Variants in SLC46A2 observed in about 807,000 individuals in gnomAD.
The protein encoded by SLC46A2 is thymic stromal co-transporter.
SLC46A2 carries 25 observed loss-of-function variants against 33.1 expected under a neutral mutation model. The observed-to-expected ratio is 0.76, with a 90% CI of 0.55 to 1.06. The LOEUF is 1.06. Ranked by LOEUF, SLC46A2 falls within the 50% of genes least tolerant of loss-of-function variation. SLC46A2 has a pLI of 0.00. For missense variants in SLC46A2, 622 were observed against 621.7 expected, an observed-to-expected ratio of 1.00 and a Z score of 0.00; for synonymous variants, 254 against 275.9, an observed-to-expected ratio of 0.92 and a Z score of 0.79.
chr9:112,889,936 G>C lies in SLC46A2; in HGVS notation c.746C>G (p.Thr249Arg). The C allele has an allele frequency of 6.2e-7, 1 of 1,614,226 alleles. No homozygotes were observed. Among genetic ancestry groups the C allele is most frequent in the Non-Finnish European group, 8.5e-7 (1 of 1,180,044 alleles). The change falls in exon 1 of 4, where the codon ACG (threonine) becomes AGG (arginine). Residue 249 changes from threonine to arginine, a missense_variant. Transcript: ENST00000374228. ...ELPAVDTVSG[T>R]VGTYRTLDPD... is the part of the protein sequence containing the mutation. ...ATCCAGAGTGCGGTATGTGCCAACC[G>C]TGCCAGACACGGTATCCACGGCGGG...
chr9:112,890,010 AAGGCTGT>A lies in SLC46A2; in HGVS notation c.665_671del (p.Tyr222PhefsTer4). 6.2e-7 allele frequency: 1 copy of A among 1,614,108 alleles called. No individual in the cohort carries two copies. Among genetic ancestry groups the A allele is most frequent in the East Asian group, 2.2e-5 (1 of 44,882 alleles). ...CCGACTCAGGGACCTTTAGCACCAAAAGGCTGTAGAGCAGGGCAAACGAGGCACAGCT... is the reference window on the plus strand; with the variant it reads ...CCGACTCAGGGACCTTTAGCACCAAAAGAGCAGGGCAAACGAGGCACAGCT... On this transcript the variant is annotated frameshift_variant, in exon 1 of 4. Transcript: ENST00000374228. LOFTEE classifies it high-confidence loss of function. This position sits in a 1 kb window ranked among gnomAD's most constrained non-coding sequence, Gnocchi z 6.0.
chr9:112,889,775 C>A lies in SLC46A2; in HGVS notation c.907G>T (p.Val303Leu), dbSNP rs558581867. The A allele has an allele frequency of 8.1e-6, 13 of 1,614,100 alleles. No individual in the cohort carries two copies. The highest frequency in any genetic ancestry group is 1.1e-5 in the Non-Finnish European group (13 of 1,180,010). Residue 303 changes from valine (V) to leucine (L), a missense_variant, in exon 1 of 4, where the codon GTG (valine) becomes TTG (leucine). Coordinates refer to ENST00000374228, the MANE Select transcript of SLC46A2 (RefSeq NM_033051.4). ...YDLAVVGTVDVIPLFVLREPL... is the reference protein window; with the variant it reads ...YDLAVVGTVDLIPLFVLREPL... ...TCCCTCAGCACAAAAAGAGGGATCACGTCCACTGTGCCCACCACCGCCAGG... is the reference window on the plus strand; with the variant it reads ...TCCCTCAGCACAAAAAGAGGGATCAAGTCCACTGTGCCCACCACCGCCAGG...
In SLC46A2 at chr9:112,886,630, A is replaced by C. The variant is rs1841646088; in HGVS notation, c.1214-14T>G. The C allele has an allele frequency of 6.2e-7, 1 of 1,613,548 alleles. No individual in the cohort carries two copies. Among genetic ancestry groups the C allele is most frequent in the South Asian group, 1.1e-5 (1 of 91,052 alleles). On this transcript the variant is annotated splice_polypyrimidine_tract_variant and intron_variant, in intron 2 of 3. Transcript: ENST00000374228. Reference sequence around the variant, plus strand: ...CGAACACCTTTCCTGTGGAAGGGACAGAGGTTACTCCGGAGTGCCTTGCTG... The same window carrying C: ...CGAACACCTTTCCTGTGGAAGGGACCGAGGTTACTCCGGAGTGCCTTGCTG...
intron 3 of SLC46A2, chr9:112,885,739 AAT>A (rs1197957536): frequency 1.3e-5 from 2 of 152,296 alleles, no homozygotes; most frequent in African/African-American, 4.8e-5. Flanking sequence ...TTGCATGTCA[AAT>A]ATGTTATTAA....
At chr9:112,885,929 A>G (rs972725713) in intron 3 of SLC46A2, among the ~76,000 whole-genome samples, 3 of 152,122 alleles carry the variant, frequency 2.0e-5, no homozygotes, top group African/African-American at 7.2e-5. Flanking sequence ...GTCTCCATAG[A>G]GTGCTCTGAT....
At chr9:112,881,058 C>T (rs906277497) in intron 3 of SLC46A2, among the ~76,000 whole-genome samples, 1 of 152,238 alleles carries the variant, frequency 6.6e-6, no homozygotes, top group African/African-American at 2.4e-5. Flanking sequence ...TTAGCTGCCT[C>T]ATCGTCTGCC....
Position 112,890,106 on chromosome 9 carries a change from C to G in SLC46A2, c.576G>C (p.Gly192=). 1 of 1,613,432 alleles carries G rather than the reference C, an allele frequency of 6.2e-7. No homozygotes were observed. Among genetic ancestry groups the G allele is most frequent in the Non-Finnish European group, 8.5e-7 (1 of 1,179,902 alleles). The stretch of plus-strand genomic sequence containing the variant: ...GCCCAGCCATCTGCTTGAAGAGATG[C>G]CCGGAAGCCATGCTCCCGCAGAACC... The part of the protein sequence containing the change: ...LAGFCGSMAS[G]HLFKQMAGHS... Residue 192 remains glycine (G), a synonymous_variant, in exon 1 of 4, where the codon GGG becomes GGC. Transcript: ENST00000374228. This position sits in a 1 kb window ranked among gnomAD's most constrained non-coding sequence, Gnocchi z 6.0.
intron 1 of SLC46A2, among the ~76,000 whole-genome samples, chr9:112,888,526 T>C (rs1001135592): frequency 1.3e-5 from 2 of 152,220 alleles, no homozygotes; most frequent in African/African-American, 2.4e-5. Flanking sequence ...TTAAATACAA[T>C]GACATAAAAT....
intron 3 of SLC46A2, among the ~76,000 whole-genome samples, chr9:112,883,731 T>C (rs1841611811): frequency 6.8e-6 from 1 of 147,520 alleles, no homozygotes; most frequent in Non-Finnish European, 1.5e-5. Context: ...GGAGTCTAGC[T>C]CTGTCACCCA....
At chr9:112,888,872 CG>C (rs1322769877) in intron 1 of SLC46A2, among the ~76,000 whole-genome samples, 6 of 63,810 alleles carry the variant, frequency 9.4e-5, no homozygotes, top group Non-Finnish European at 1.6e-4. Context: ...CACTCCTCCA[CG>C]TTTTTTTTTT....
Position 112,890,411 on chromosome 9 carries a change from G to A in SLC46A2, c.271C>T (p.Leu91=). Residue 91 remains leucine (L), a synonymous_variant, in exon 1 of 4, where the codon CTG becomes TTG. Transcript: ENST00000374228. This position sits in a 1 kb window ranked among gnomAD's most constrained non-coding sequence, Gnocchi z 6.0. ...AGCCATCCCAGCCCGTAGGCGGACA[G>A]CAGGGGGGACAGGCCCACCACAAGG... The part of the protein sequence containing the change: ...YNLVVGLSPL[L]SAYGLGWLSD... 6.2e-7 allele frequency: 1 copy of A among 1,614,228 alleles called. No homozygotes were observed. Among genetic ancestry groups the A allele is most frequent in the African/African-American group, 1.3e-5 (1 of 75,068 alleles).
chr9:112,888,461 T>A lies in SLC46A2; in HGVS notation c.1130-1048A>T, dbSNP rs144978648. On this transcript the variant is annotated intron_variant, in intron 1 of 3. Coordinates refer to ENST00000374228, the MANE Select transcript of SLC46A2 (RefSeq NM_033051.4). ...GGGCCAAGAGCCAGCCTCAGATAAC[T>A]GTCTGAAGTTGTTTTTTTGATATGA... 5.4e-3 allele frequency among the ~76,000 whole-genome samples: 827 copies of A among 152,204 alleles called. 5 individuals carry two copies. Among genetic ancestry groups the A allele is most frequent in the African/African-American group, 0.016 (675 of 41,510 alleles).
chr9:112,882,725 G>A (rs1197280845), intron 3 of SLC46A2, among the ~76,000 whole-genome samples: 1 of 152,160 alleles, frequency 6.6e-6, no homozygotes, highest in African/African-American at 2.4e-5. Flanking sequence ...ACCCTCGGTG[G>A]GTGGTGCCGC....
intron 3 of SLC46A2, among the ~76,000 whole-genome samples, chr9:112,883,317 G>C (rs1841604371): frequency 6.6e-6 from 1 of 152,140 alleles, no homozygotes; most frequent in African/African-American, 2.4e-5. Flanking sequence ...GCTTTCTCAG[G>C]AGGTAGGAGA....
chr9:112,879,646 G>T lies in SLC46A2; in HGVS notation c.*116C>A. On this transcript the variant is annotated 3_prime_UTR_variant, in exon 4 of 4. Transcript: ENST00000374228. ...GGTCATTCTGAGGCCAACTCTGGCT[G>T]GAACGCAGGTTTCTTAAGCAGTGGG... 1.1e-6 allele frequency: 1 copy of T among 921,536 alleles called. No homozygotes were observed. Among genetic ancestry groups the T allele is most frequent in the Non-Finnish European group, 1.7e-6 (1 of 592,576 alleles). 57.1% of individuals were successfully genotyped at this position (921,536 alleles called of 1,614,324 possible).
chr9:112,881,097 G>A (rs1264578021), intron 3 of SLC46A2, among the ~76,000 whole-genome samples: 1 of 152,150 alleles, frequency 6.6e-6, no homozygotes, highest in Non-Finnish European at 1.5e-5. Flanking sequence ...CCATTACATT[G>A]TTTAAAATTA....
In SLC46A2 at chr9:112,889,558, T is replaced by G; in HGVS notation, c.1124A>C (p.Tyr375Ser). The change falls in exon 1 of 4, where the codon TAT becomes TCT. Residue 375 changes from tyrosine (Y) to serine (S), a missense_variant. Physicochemically the swap from Tyr to Ser is moderately radical, Grantham distance 144. Transcript: ENST00000374228. ...CTCAAGAATGACAGACTCACCAATA[T>G]AGAACATGTATGTCTCTTTCACAAA... The part of the protein sequence containing the change: ...LAFVKETYMF[Y>S]IARAVMLFAL... 1 of 1,609,874 alleles carries G rather than the reference T, an allele frequency of 6.2e-7. No individual in the cohort carries two copies.
intron 3 of SLC46A2, among the ~76,000 whole-genome samples, chr9:112,882,020 G>T (rs761522238): frequency 3.3e-5 from 5 of 152,178 alleles, no homozygotes; most frequent in Non-Finnish European, 7.4e-5. Context: ...GTGGTCAATG[G>T]CAGGAATAGG....
At chr9:112,887,101 G>A (rs1841651498) in intron 2 of SLC46A2, among the ~76,000 whole-genome samples, 1 of 152,162 alleles carries the variant, frequency 6.6e-6, no homozygotes, top group Non-Finnish European at 1.5e-5. Context: ...CCCAAGGCCT[G>A]TGGACGATAG....
Sources: gnomAD v4.1 joint callset for allele counts (sites outside exome capture counted in the v4.1 genomes callset) on GRCh38, gnomAD v4.1.1 for gene constraint, Gnocchi (gnomAD v3.1) non-coding constraint, MANE v1.5 for transcripts, NCBI Gene and HGNC (gene_info 2026-07-23, HGNC 2026-07-21) for gene names.